CDH18: variants seen among roughly 807,000 people sequenced by gnomAD.
The protein encoded by CDH18 is cadherin 18, also known as cadherin-18.
In CDH18, 31 loss-of-function variants were observed where a neutral mutation model predicts 67.9. That is an observed-to-expected ratio of 0.46 (90% CI 0.34 to 0.62). CDH18 has a LOEUF of 0.62. Ranked by LOEUF, CDH18 falls within the 20% of genes least tolerant of loss-of-function variation. CDH18 has a pLI of 0.01. For synonymous variants in CDH18, 362 were observed against 347.2 expected (o/e 1.04, Z -0.48); for missense variants, 890 against 975.5 (o/e 0.91, Z 1.17).
chr5:20,099,650 C>A (rs1173902208), intron 2 of CDH18, among the ~76,000 whole-genome samples: 1 of 152,014 alleles, frequency 6.6e-6, no homozygotes, highest in East Asian at 1.9e-4. Context: ...TAATTTTTAA[C>A]TGAAAGAATA....
intron 3 of CDH18, among the ~76,000 whole-genome samples, chr5:19,752,488 A>T (rs542826900): frequency 6.6e-6 from 1 of 152,218 alleles, no homozygotes; most frequent in South Asian, 2.1e-4. Flanking sequence ...TTGACCTGGA[A>T]ATCTTGCCCT....
At chr5:20,114,656 A>G (rs1413121152) in intron 2 of CDH18, among the ~76,000 whole-genome samples, 1 of 152,142 alleles carries the variant, frequency 6.6e-6, no homozygotes, top group Admixed American at 6.6e-5. Context: ...ATGTGAGGGT[A>G]TACTCTAAGT....
intron 2 of CDH18, among the ~76,000 whole-genome samples, chr5:20,237,284 C>T (rs1250777477): frequency 2.0e-5 from 3 of 151,802 alleles, no homozygotes; most frequent in Non-Finnish European, 4.4e-5. Flanking sequence ...GGTATATTTG[C>T]TCTCATTAAT....
At chr5:20,235,897 C>T (rs1742440311) in intron 2 of CDH18, among the ~76,000 whole-genome samples, 1 of 152,150 alleles carries the variant, frequency 6.6e-6, no homozygotes, top group Non-Finnish European at 1.5e-5. Flanking sequence ...GGTACATATA[C>T]ATGATGGAAT....
intron 1 of CDH18, among the ~76,000 whole-genome samples, chr5:20,494,984 C>T (rs913853424): frequency 1.4e-4 from 21 of 152,204 alleles, no homozygotes; most frequent in Admixed American, 1.3e-4. Context: ...TTTAAGGTCT[C>T]TGTTAGGTGC....
At chr5:19,724,907 A>G (rs1207956463) in intron 4 of CDH18, among the ~76,000 whole-genome samples, 1 of 148,436 alleles carries the variant, frequency 6.7e-6, no homozygotes, top group African/African-American at 2.5e-5. Flanking sequence ...ATAATTATTT[A>G]TTAACATAGC....
intron 1 of CDH18, among the ~76,000 whole-genome samples, chr5:20,365,584 T>C (rs1742447467): frequency 6.6e-6 from 1 of 152,214 alleles, no homozygotes; most frequent in African/African-American, 2.4e-5. Context: ...ATGTTTATTG[T>C]CATGTTTCCT....
intron 5 of CDH18, among the ~76,000 whole-genome samples, chr5:19,647,457 G>C (rs984436890): frequency 2.1e-5 from 3 of 143,352 alleles, no homozygotes; most frequent in African/African-American, 7.7e-5. Context: ...TTGAACCCGG[G>C]AGGTAGAGGT....
chr5:20,036,396 C>A (rs1739864087), intron 2 of CDH18, among the ~76,000 whole-genome samples: 1 of 151,624 alleles, frequency 6.6e-6, no homozygotes, highest in South Asian at 2.1e-4. Context: ...AAAGATGATA[C>A]TTAAAAAGAA....
intron 8 of CDH18, among the ~76,000 whole-genome samples, chr5:19,553,925 C>T (rs766928324): frequency 1.2e-4 from 19 of 152,024 alleles, no homozygotes; most frequent in African/African-American, 3.9e-4. Context: ...TGAGCCAAAA[C>T]GCCTGACCCT....
chr5:20,456,982 A>G (rs547274433), intron 1 of CDH18, among the ~76,000 whole-genome samples: 5 of 152,362 alleles, frequency 3.3e-5, no homozygotes, highest in Admixed American at 2.6e-4. Flanking sequence ...TTATGTGTAC[A>G]TGTTCTAACA....
At chr5:20,139,886 C>T (rs1017432664) in intron 2 of CDH18, among the ~76,000 whole-genome samples, 1 of 152,182 alleles carries the variant, frequency 6.6e-6, no homozygotes, top group Non-Finnish European at 1.5e-5. Flanking sequence ...TAAACTAGTT[C>T]AACCACTGTG....
intron 5 of CDH18, among the ~76,000 whole-genome samples, chr5:19,673,027 A>C (rs940104302): frequency 2.0e-4 from 31 of 152,064 alleles, no homozygotes; most frequent in Non-Finnish European, 2.8e-4. Flanking sequence ...ACCTGCATTC[A>C]ATCAAGGACA....
chr5:20,193,039 G>T (rs1738672999), intron 2 of CDH18, among the ~76,000 whole-genome samples: 1 of 151,998 alleles, frequency 6.6e-6, no homozygotes, highest in Non-Finnish European at 1.5e-5. Flanking sequence ...GCAGTGGTTT[G>T]TAGTTCTCCT....
At chr5:19,877,147 T>C (rs570816290) in intron 2 of CDH18, among the ~76,000 whole-genome samples, 1 of 152,268 alleles carries the variant, frequency 6.6e-6, no homozygotes, top group African/African-American at 2.4e-5. Context: ...TTTAGCAGTA[T>C]TACTGTACCA....
Position 20,016,111 on chromosome 5 carries a change from A to C in CDH18, c.-517-24097T>G, listed in dbSNP as rs115162326. Among the ~76,000 whole-genome samples the C allele has an allele frequency of 4.3e-3, 656 of 152,276 alleles. 4 individuals are homozygous for C. The highest frequency in any genetic ancestry group is 0.015 in the African/African-American group (620 of 41,550). On this transcript the variant is annotated intron_variant, in intron 2 of 14. Transcript: ENST00000507958. ...GATAACAAAAATGTGGTACTTATAC[A>C]CCATAGAATACTATGCAGCCATAAA...
In CDH18 at chr5:20,033,054, T is replaced by C. The variant is rs560339813; in HGVS notation, c.-517-41040A>G. Among the ~76,000 whole-genome samples the C allele has an allele frequency of 5.3e-5, 8 of 152,112 alleles. No homozygotes were observed. The East Asian group carries it at 1.5e-3, about 29-fold the overall frequency. ...AGATATTATCTCCCAATATTTTCCT[T>C]GCATGTGACCTTGGAAAACAAACCT... On this transcript the variant is annotated intron_variant, in intron 2 of 14. Transcript: ENST00000507958.
intron 2 of CDH18, among the ~76,000 whole-genome samples, chr5:19,962,028 GAT>G (rs1796955451): frequency 6.6e-6 from 1 of 151,390 alleles, no homozygotes; most frequent in South Asian, 2.1e-4. Context: ...CATTCCTTTT[GAT>G]ATGTTATGAT....
intron 1 of CDH18, among the ~76,000 whole-genome samples, chr5:20,485,348 AG>A (rs1177530489): frequency 6.6e-6 from 1 of 152,200 alleles, no homozygotes; most frequent in Non-Finnish European, 1.5e-5. Context: ...GGTCATTCAA[AG>A]AACTAACACA....
Sources: gnomAD v4.1 joint callset for allele counts (sites outside exome capture counted in the v4.1 genomes callset) on GRCh38, gnomAD v4.1.1 for gene constraint, MANE v1.5 for transcripts, NCBI Gene and HGNC (gene_info 2026-07-23, HGNC 2026-07-21) for gene names.